Variants in TPM2 observed in about 807,000 individuals in gnomAD.
TPM2 encodes tropomyosin beta chain.
In TPM2, 26 loss-of-function variants were observed where a neutral mutation model predicts 41.0. That is an observed-to-expected ratio of 0.63 (90% CI 0.46 to 0.88). The LOEUF (loss-of-function observed/expected upper bound fraction) is 0.88. Ranked by LOEUF, TPM2 falls within the 40% of genes least tolerant of loss-of-function variation. The pLI, the probability that TPM2 is intolerant of heterozygous loss-of-function variation, is 0.00. For synonymous variants in TPM2, 143 were observed against 139.3 expected, an observed-to-expected ratio of 1.03 and a Z score of -0.19; for missense variants, 187 against 355.2, an observed-to-expected ratio of 0.53 and a Z score of 3.81.
In TPM2 at chr9:35,683,230, C is replaced by T. The variant is rs1220242847; in HGVS notation, c.784G>A (p.Ala262Thr). Residue 262 changes from alanine (A) to threonine (T), a missense_variant, in exon 9 of 9, where the codon GCC becomes ACC. Ala to Thr is a moderately conservative substitution (Grantham distance 58). Transcript: ENST00000645482. ...TIDDLEDEVY[A>T]QKMKYKAISE... The stretch of plus-strand genomic sequence containing the variant: ...ATGGCCTTGTACTTCATCTTCTGGG[C>T]ATAGACTTCATCTGGGGGGGGTCCA... 6 of 1,533,254 alleles carry T rather than the reference C, an allele frequency of 3.9e-6. No individual in the cohort carries two copies. Among genetic ancestry groups the T allele is most frequent in the Non-Finnish European group, 5.3e-6 (6 of 1,133,580 alleles). 95.0% of individuals were successfully genotyped at this position (1,533,254 alleles called of 1,614,324 possible).
chr9:35,689,918 G>A lies in TPM2; in HGVS notation c.-101C>T, dbSNP rs1825162690. 6.2e-7 allele frequency: 1 copy of A among 1,600,394 alleles called. No individual in the cohort carries two copies. The highest frequency in any genetic ancestry group is 8.5e-7 in the Non-Finnish European group (1 of 1,176,394). ...ACCGGTGGCAGGCGAGGAGGACGGA[G>A]CGGGACTGGGACGTCCCGGCCACGC... On this transcript the variant is annotated 5_prime_UTR_variant, in exon 1 of 9. Coordinates refer to ENST00000645482, the MANE Select transcript of TPM2 (RefSeq NM_003289.4).
chr9:35,686,122 T>C (rs879327594), intron 2 of TPM2, among the ~76,000 whole-genome samples: 7 of 152,212 alleles, frequency 4.6e-5, no homozygotes, highest in Non-Finnish European at 8.8e-5. Context: ...TGGTGGCGCA[T>C]GCCTGTAATC....
intron 2 of TPM2, among the ~76,000 whole-genome samples, chr9:35,686,174 C>T (rs1409000359): frequency 3.3e-5 from 5 of 152,078 alleles, no homozygotes; most frequent in Non-Finnish European, 5.9e-5. Context: ...CACTTGAACC[C>T]AGGAGGCGGA....
At chr9:35,689,370 C>T in intron 1 of TPM2, 99 bp from the exon 2 acceptor site, 1 of 1,564,702 alleles carries the variant, frequency 6.4e-7, no homozygotes, top group Non-Finnish European at 8.6e-7. Context: ...TTGGAGGCTA[C>T]TGGGATGGAA....
At position 35,683,476 on chromosome 9, in the gene TPM2, C is replaced by G. The variant is rs2789750; in HGVS notation, c.773-235G>C. Among the ~76,000 whole-genome samples, 42,334 of 152,118 alleles carry G rather than the reference C, an allele frequency of 0.28. 6,475 individuals carry two copies. The highest frequency in any genetic ancestry group is 0.38 in the Middle Eastern group (113 of 294). ...TACCCCAAATTGGCTCTACCCATGG[C>G]AGCTCCTGCCTCTCCAGGGAGCTGT... is the stretch of plus-strand genomic sequence containing the variant. On this transcript the variant is annotated intron_variant, in intron 8 of 8. Transcript: ENST00000645482.
chr9:35,684,886 C>G (rs1022315312), intron 5 of TPM2, 79 bp from the exon 6 acceptor site: 2 of 1,612,566 alleles, frequency 1.2e-6, no homozygotes, highest in Non-Finnish European at 1.7e-6. Flanking sequence ...CAGCAGGGGA[C>G]GGGTGGAGGA....
intron 6 of TPM2, 75 bp downstream of exon 6, chr9:35,684,657 C>G: frequency 1.2e-6 from 2 of 1,613,362 alleles, no homozygotes; most frequent in East Asian, 2.2e-5. Context: ...GAACACCCAG[C>G]CCCTCCCTGC....
At position 35,685,943 on chromosome 9, in the gene TPM2, G is replaced by C. The variant is rs557351448; in HGVS notation, c.241-163C>G. 1.3e-5 allele frequency among the ~76,000 whole-genome samples: 2 copies of C among 152,322 alleles called. No homozygotes were observed. Among genetic ancestry groups the C allele is most frequent in the South Asian group, 4.1e-4 (2 of 4,828 alleles). Reference sequence around the variant, plus strand: ...CAACCAATCATCTTCTGCCCAGACTGTGCTCCAGTAAAAAATGTGCATTCA... The same window carrying C: ...CAACCAATCATCTTCTGCCCAGACTCTGCTCCAGTAAAAAATGTGCATTCA... On this transcript the variant is annotated intron_variant, in intron 2 of 8. Coordinates refer to ENST00000645482, the MANE Select transcript of TPM2 (RefSeq NM_003289.4). This position sits in a 1 kb window ranked among gnomAD's most constrained non-coding sequence, Gnocchi z 5.0.
chr9:35,686,068 T>C (rs1319355850), intron 2 of TPM2, among the ~76,000 whole-genome samples: 3 of 152,114 alleles, frequency 2.0e-5, no homozygotes, highest in Non-Finnish European at 4.4e-5. Context: ...CTGGCCAACA[T>C]GGTGAAACTC....
intron 5 of TPM2, 71 bp from the exon 6 acceptor site, chr9:35,684,878 G>A: frequency 6.2e-7 from 1 of 1,613,616 alleles, no homozygotes. Flanking sequence ...AGATGGCACA[G>A]CAGGGGACGG....
Position 35,684,899 on chromosome 9 carries a change from G to A in TPM2, c.564-92C>T, listed in dbSNP as rs574413840. 11 of 1,611,802 alleles carry A rather than the reference G, an allele frequency of 6.8e-6. No individual in the cohort carries two copies. The Admixed American group carries it at 1.7e-4, about 25-fold the overall frequency. On this transcript the variant is annotated intron_variant, in intron 5 of 8. Coordinates refer to ENST00000645482, the MANE Select transcript of TPM2 (RefSeq NM_003289.4). ...CACAGCAGGGGACGGGTGGAGGAGA[G>A]AAGAGAAGAGCAAAGTTGTGAGAGT...
chr9:35,682,570 C>T (rs1318127161), downstream of TPM2: 4 of 1,237,542 alleles, frequency 3.2e-6, no homozygotes, highest in Non-Finnish European at 4.1e-6. Flanking sequence ...CAACATTTTT[C>T]CAAGCTCCAT....
intron 2 of TPM2, among the ~76,000 whole-genome samples, chr9:35,687,901 T>C (rs1825015979): frequency 6.6e-6 from 1 of 152,110 alleles, no homozygotes; most frequent in South Asian, 2.1e-4. Flanking sequence ...CAGGCACTAC[T>C]GTCCCCATTA....
At chr9:35,682,766 C>G (rs1563926161), downstream of TPM2, 6 of 1,322,174 alleles carry the variant, frequency 4.5e-6, no homozygotes, top group East Asian at 3.0e-4. Flanking sequence ...GAGCGACAGC[C>G]AGGGAGTGCC....
In TPM2 at chr9:35,684,565, C is replaced by T. The variant is rs374069635; in HGVS notation, c.640-15G>A. ...TTGGTGGAATACTTTTGGGGACACA[C>T]ACACGCCATCAGTACAGCGCTACCA... On this transcript the variant is annotated splice_polypyrimidine_tract_variant and intron_variant, in intron 6 of 8. Coordinates refer to ENST00000645482, the MANE Select transcript of TPM2 (RefSeq NM_003289.4). 1.9e-6 allele frequency: 3 copies of T among 1,614,036 alleles called. No individual in the cohort carries two copies. The highest frequency in any genetic ancestry group is 1.6e-4 in the Middle Eastern group (1 of 6,084).
At chr9:35,684,461 G>A (rs377484925) in intron 7 of TPM2, 27 bp downstream of exon 7, 2 of 1,614,056 alleles carry the variant, frequency 1.2e-6, no homozygotes, top group Non-Finnish European at 1.7e-6. Context: ...CTTGAGGGGA[G>A]ACTGGGAACT....
chr9:35,689,152 G>A lies in TPM2; in HGVS notation c.234C>T (p.Ala78=), dbSNP rs749197310. The change falls in exon 2 of 9, where the codon GCC becomes GCT. Residue 78 remains alanine (A), a synonymous_variant. Transcript: ENST00000645482. ...QEKLEQAEKK[A]TDAEADVASL... is the part of the protein sequence containing the mutation. The stretch of plus-strand genomic sequence containing the variant: ...CCCCCAAGTCCACACTCACATCAGT[G>A]GCCTTCTTCTCGGCCTGCTCCAGTT... 6.8e-6 allele frequency: 11 copies of A among 1,614,026 alleles called. No individual in the cohort carries two copies. In the South Asian group the frequency reaches 1.1e-4, roughly 16 times the overall value.
Position 35,684,069 on chromosome 9 carries a change from C to T in TPM2, c.772+177G>A, listed in dbSNP as rs564336996. 3.5e-5 allele frequency: 23 copies of T among 656,938 alleles called. 1 individual carries two copies. Among genetic ancestry groups the T allele is most frequent in the South Asian group, 2.3e-4 (13 of 57,714 alleles). The allele number at this position is 656,938 out of a possible 1,614,324, so 40.7% of individuals were successfully genotyped here. A position where few individuals can be genotyped will look rare whatever the true frequency, so the allele number is the denominator to read the frequency against. On this transcript the variant is annotated intron_variant, in intron 8 of 8. Coordinates refer to ENST00000645482, the MANE Select transcript of TPM2 (RefSeq NM_003289.4). Reference sequence around the variant, plus strand: ...AGTTTGAGAAGCACTGGAGTTGTTGCGCCGTGGGCAGCTACAATTACTTGA... The same window carrying T: ...AGTTTGAGAAGCACTGGAGTTGTTGTGCCGTGGGCAGCTACAATTACTTGA...
intron 5 of TPM2, 69 bp from the exon 6 acceptor site, chr9:35,684,876 C>T: frequency 6.2e-7 from 1 of 1,613,492 alleles, no homozygotes; most frequent in Non-Finnish European, 8.5e-7. Context: ...GGAGATGGCA[C>T]AGCAGGGGAC....
Sources: gnomAD v4.1 joint callset for allele counts (sites outside exome capture counted in the v4.1 genomes callset) on GRCh38, gnomAD v4.1.1 for gene constraint, Gnocchi (gnomAD v3.1) non-coding constraint, MANE v1.5 for transcripts, NCBI Gene and HGNC (gene_info 2026-07-23, HGNC 2026-07-21) for gene names.